The following ZNF420 variants were observed in gnomAD, a reference collection of about 807,000 sequenced individuals.
ZNF420 encodes zinc finger protein 420, also known as ATM and p53-associated KZNF protein.
In ZNF420, 31 loss-of-function variants were observed where a neutral mutation model predicts 44.7. That is an observed-to-expected ratio of 0.69 (90% CI 0.52 to 0.94). ZNF420 has a LOEUF of 0.94. Among genes scored for constraint, ZNF420 ranks in the 40% least tolerant of loss-of-function variants. The probability of loss-of-function intolerance (pLI) is 0.00; values close to 1 mark genes in which losing one functional copy is unlikely to be tolerated. For missense variants in ZNF420, 681 were observed against 827.9 expected, an observed-to-expected ratio of 0.82 and a Z score of 2.18; for synonymous variants, 245 against 267.4, an observed-to-expected ratio of 0.92 and a Z score of 0.82.
intron 4 of ZNF420, chr19:37,106,857 G>A (rs190575703): frequency 8.5e-5 from 13 of 152,302 alleles, no homozygotes; most frequent in East Asian, 5.8e-4. Flanking sequence ...TAGGGTAATA[G>A]TGGGGAGAGG....
intron 4 of ZNF420, among the ~76,000 whole-genome samples, chr19:37,113,869 G>A (rs1213239599): frequency 6.6e-6 from 1 of 151,452 alleles, no homozygotes; most frequent in Admixed American, 6.6e-5. Context: ...TCTTCACCAA[G>A]TCTTAAATTG....
chr19:37,025,317 G>GCA (rs1213437807), intron 1 of ZNF420: 19 of 212,416 alleles, frequency 8.9e-5, no homozygotes, highest in Non-Finnish European at 1.7e-4. Flanking sequence ...AAGGAAAGGG[G>GCA]TATTTTCTTC....
intron 2 of ZNF420, among the ~76,000 whole-genome samples, chr19:37,087,891 C>T (rs904632553): frequency 3.9e-5 from 6 of 152,184 alleles, no homozygotes; most frequent in Admixed American, 6.5e-5. Flanking sequence ...GTGATCCGCC[C>T]GCTTCGGCCT....
At chr19:37,087,266 G>A (rs1968840887) in intron 2 of ZNF420, among the ~76,000 whole-genome samples, 1 of 138,716 alleles carries the variant, frequency 7.2e-6, no homozygotes. Flanking sequence ...GCTTGGTTGA[G>A]AGTGAGACCC....
intron 1 of ZNF420, among the ~76,000 whole-genome samples, chr19:37,072,398 A>C (rs954116825): frequency 6.6e-6 from 1 of 152,250 alleles, no homozygotes; most frequent in Non-Finnish European, 1.5e-5. Context: ...AACAAGGGAC[A>C]AAAATTCAGG....
At chr19:37,067,044 CA>C (rs1967979071) in intron 1 of ZNF420, among the ~76,000 whole-genome samples, 1 of 152,036 alleles carries the variant, frequency 6.6e-6, no homozygotes, top group Non-Finnish European at 1.5e-5. Flanking sequence ...GCCTTACATA[CA>C]AAAAACACAT....
At chr19:37,035,424 C>A (rs1967336725) in intron 1 of ZNF420, among the ~76,000 whole-genome samples, 1 of 152,146 alleles carries the variant, frequency 6.6e-6, no homozygotes, top group Admixed American at 6.5e-5. Context: ...GTCTTGAACT[C>A]CTGAGCTCAG....
chr19:37,103,282 A>G (rs1439849506), intron 4 of ZNF420, among the ~76,000 whole-genome samples: 1 of 152,008 alleles, frequency 6.6e-6, no homozygotes, highest in Non-Finnish European at 1.5e-5. Context: ...TGTTTTTTCT[A>G]TGTTTTTATA....
intron 4 of ZNF420, among the ~76,000 whole-genome samples, chr19:37,112,454 G>A (rs897742589): frequency 6.6e-6 from 1 of 152,106 alleles, no homozygotes; most frequent in African/African-American, 2.4e-5. Context: ...CACTTCTGAG[G>A]CAGTGCCTAC....
At chr19:37,112,438 TTGATACACTTC>T (rs1970430896) in intron 4 of ZNF420, among the ~76,000 whole-genome samples, 1 of 152,202 alleles carries the variant, frequency 6.6e-6, no homozygotes, top group African/African-American at 2.4e-5. Flanking sequence ...TCTCAGCACT[TTGATACACTTC>T]TGAGGCAGTG....
chr19:37,021,957 A>AC (rs1354029600), intron 1 of ZNF420, among the ~76,000 whole-genome samples: 11 of 149,052 alleles, frequency 7.4e-5, no homozygotes, highest in African/African-American at 2.7e-4. Context: ...AAAAAAAAAA[A>AC]AAAAAAGAAA....
At chr19:37,100,022 G>C (rs898517567) in intron 4 of ZNF420, among the ~76,000 whole-genome samples, 9 of 152,088 alleles carry the variant, frequency 5.9e-5, no homozygotes, top group African/African-American at 2.2e-4. Flanking sequence ...TGCTTTTGAG[G>C]TATTATTAAA....
intron 1 of ZNF420, among the ~76,000 whole-genome samples, chr19:37,057,043 C>G (rs1967768945): frequency 6.6e-6 from 1 of 152,344 alleles, no homozygotes; most frequent in Non-Finnish European, 1.5e-5. Flanking sequence ...ACAGTGAGTC[C>G]CACGGTTGCC....
At chr19:37,105,174 T>C (rs1970005622) in intron 4 of ZNF420, among the ~76,000 whole-genome samples, 2 of 152,224 alleles carry the variant, frequency 1.3e-5, no homozygotes, top group South Asian at 4.1e-4. Flanking sequence ...TTAATTTTTA[T>C]ATAAGGTGTA....
chr19:37,031,930 C>T (rs537938985), intron 1 of ZNF420, among the ~76,000 whole-genome samples: 8 of 152,296 alleles, frequency 5.3e-5, no homozygotes, highest in South Asian at 4.1e-4. Flanking sequence ...ACCAGCCAGG[C>T]GTGGTGGCTT....
chr19:37,086,175 G>T (rs1398729875), intron 2 of ZNF420, among the ~76,000 whole-genome samples: 5 of 151,920 alleles, frequency 3.3e-5, no homozygotes, highest in African/African-American at 1.2e-4. Flanking sequence ...TCCATAAAAT[G>T]AATGATAGGA....
chr19:37,074,798 A>C (rs1483146868), upstream of ZNF420, among the ~76,000 whole-genome samples: 3 of 152,244 alleles, frequency 2.0e-5, no homozygotes, highest in Non-Finnish European at 4.4e-5. Flanking sequence ...AAATATGTAA[A>C]TACATGCAGA....
chr19:37,042,603 C>G (rs1967474953), intron 1 of ZNF420, among the ~76,000 whole-genome samples: 1 of 152,236 alleles, frequency 6.6e-6, no homozygotes, highest in Non-Finnish European at 1.5e-5. Flanking sequence ...TTGCTCTTTT[C>G]CAATTCATCA....
intron 1 of ZNF420, among the ~76,000 whole-genome samples, chr19:37,022,848 T>G (rs2074659665): frequency 6.6e-6 from 1 of 152,094 alleles, no homozygotes. Context: ...TTAAGATATG[T>G]AGCATGGGGG....
Sources: gnomAD v4.1 joint callset for allele counts (sites outside exome capture counted in the v4.1 genomes callset) on GRCh38, gnomAD v4.1.1 for gene constraint, MANE v1.5 for transcripts, NCBI Gene and HGNC (gene_info 2026-07-23, HGNC 2026-07-21) for gene names.